NHS: variants seen among roughly 807,000 people sequenced by gnomAD.
NHS encodes the protein NHS actin remodeling regulator.
A neutral mutation model predicts 72.5 loss-of-function variants in NHS; 5 were observed. The observed-to-expected ratio is 0.07, with a 90% CI of 0.04 to 0.14. NHS has a LOEUF of 0.14. Among genes scored for constraint, NHS ranks in the 10% least tolerant of loss-of-function variants. The pLI is 1.00. For synonymous variants in NHS, 464 were observed against 547.7 expected, an observed-to-expected ratio of 0.85 and a Z score of 2.13; for missense variants, 1,072 against 1,355.7, an observed-to-expected ratio of 0.79 and a Z score of 3.29.
At chrX:17,481,223 G>T (rs906482437) in intron 1 of NHS, among the ~76,000 whole-genome samples, 24 of 111,769 alleles carry the variant, frequency 2.1e-4, no homozygotes, top group Admixed American at 1.6e-3. Context: ...TGAATAAGGC[G>T]GTGTCCGTAA....
chrX:17,491,676 A>T (rs760073056), intron 1 of NHS, among the ~76,000 whole-genome samples: 16 of 109,805 alleles, frequency 1.5e-4, no homozygotes, highest in Non-Finnish European at 2.7e-4. Context: ...TATTGTTTGG[A>T]ATAGTTTCAG....
intron 1 of NHS, among the ~76,000 whole-genome samples, chrX:17,634,899 C>T (rs1488360454): frequency 1.8e-5 from 2 of 111,689 alleles, no homozygotes; most frequent in African/African-American, 3.3e-5. Context: ...GTAAGCCAGC[C>T]CCATCCTGGT....
chrX:17,381,923 T>C (rs977765984), intron 1 of NHS, among the ~76,000 whole-genome samples: 1 of 112,613 alleles, frequency 8.9e-6, no homozygotes, highest in East Asian at 2.8e-4. Flanking sequence ...TCCTCACTGA[T>C]ATTGGTATTG....
At chrX:17,560,919 G>A (rs1427237878) in intron 1 of NHS, among the ~76,000 whole-genome samples, 1 of 112,475 alleles carries the variant, frequency 8.9e-6, no homozygotes, top group Non-Finnish European at 1.9e-5. Flanking sequence ...CCTCCCAGTG[G>A]CCTTTAAATT....
At chrX:17,434,760 A>G (rs2064713504) in intron 1 of NHS, among the ~76,000 whole-genome samples, 1 of 111,655 alleles carries the variant, frequency 9.0e-6, no homozygotes, top group Non-Finnish European at 1.9e-5. Flanking sequence ...ATTTTTTATT[A>G]AGCACCTACT....
rs186710212 is a variant in NHS at position 17,532,277 on chromosome X, C to T, written c.566-155465C>T. 1.5e-3 allele frequency among the ~76,000 whole-genome samples: 165 copies of T among 111,746 alleles called. 2 individuals are homozygous for T. The highest frequency in any genetic ancestry group is 1.3e-3 in the Admixed American group (14 of 10,619). On this transcript the variant is annotated intron_variant, in intron 1 of 8. Transcript: ENST00000676302. ...TGCTCTGGTTTTAATTAGTGCAAAG[C>T]GGAAGCCATTTCTATGTAAATGAAT...
At chrX:17,573,171 C>T (rs75774424) in intron 1 of NHS, among the ~76,000 whole-genome samples, 2 of 111,113 alleles carry the variant, frequency 1.8e-5, no homozygotes, top group African/African-American at 6.6e-5. Flanking sequence ...TTGCTCTTCT[C>T]GAAGAGTGTC....
rs1438274490 is a variant in NHS, at chrX:17,727,133, G to T, written c.3027G>T (p.Leu1009=). ...CTTCTGTTGACAATGAGTTTAAACT[G>T]GCTTCACCAGAAAAGCTGGCTGGCT... is the stretch of plus-strand genomic sequence containing the variant. ...SLPSVDNEFK[L]ASPEKLAGLA... is the part of the protein sequence containing the mutation. Residue 1009 remains leucine (L), a synonymous_variant, in exon 7 of 9, where the codon CTG becomes CTT. Transcript: ENST00000676302. The T allele has an allele frequency of 3.3e-6, 4 of 1,210,103 alleles. No individual in the cohort carries two copies. The highest frequency in any genetic ancestry group is 3.4e-6 in the Non-Finnish European group (3 of 895,281).
rs1569318252 is a variant in NHS, at chrX:17,723,743, G to GTGTGTGTGTGTGTGTGTGTA, written c.1109-537_1109-536insATGTGTGTGTGTGTGTGTGT. On this transcript the variant is annotated intron_variant, in intron 5 of 8. Coordinates refer to ENST00000676302, the MANE Select transcript of NHS (RefSeq NM_001291867.2). ...GCAAAAGAGGTGTGTGTGTGTGTGT[G>GTGTGTGTGTGTGTGTGTGTA]TGTGTGTGTGTGTGTGTGTGTGTGT... 3.4e-3 allele frequency among the ~76,000 whole-genome samples: 314 copies of GTGTGTGTGTGTGTGTGTGTA among 92,547 alleles called. 1 individual carries two copies. The highest frequency in any genetic ancestry group is 0.015 in the African/African-American group (302 of 20,544). The allele number at this position is 92,547 out of a possible 115,157, so 80.4% of individuals were successfully genotyped here.
intron 1 of NHS, chrX:17,528,364 C>G (rs1339625849): frequency 1.8e-5 from 2 of 112,066 alleles, no homozygotes; most frequent in Non-Finnish European, 3.8e-5. Flanking sequence ...TCTCTTCTTC[C>G]TCAAGAGGAC....
At chrX:17,491,816 A>T (rs1241093329) in intron 1 of NHS, among the ~76,000 whole-genome samples, 1 of 71,359 alleles carries the variant, frequency 1.4e-5, no homozygotes, top group African/African-American at 5.8e-5. Context: ...AGAACTTGTT[A>T]TTGTTCTATT....
chrX:17,517,651 C>T (rs965990271), intron 1 of NHS, among the ~76,000 whole-genome samples: 2 of 111,485 alleles, frequency 1.8e-5, no homozygotes, highest in Non-Finnish European at 1.9e-5. Flanking sequence ...TGTTAGAGGG[C>T]TTATTGTGTT....
intron 1 of NHS, among the ~76,000 whole-genome samples, chrX:17,484,470 A>G (rs868674772): frequency 3.6e-5 from 4 of 112,111 alleles, no homozygotes; most frequent in Non-Finnish European, 5.6e-5. Flanking sequence ...AGGAGGGGCT[A>G]TACCACATCA....
At chrX:17,552,030 G>A (rs1350726408) in intron 1 of NHS, among the ~76,000 whole-genome samples, 4 of 100,892 alleles carry the variant, frequency 4.0e-5, no homozygotes, top group African/African-American at 1.3e-4. Context: ...CTCTTTAAAG[G>A]GAGGAAACCG....
At chrX:17,685,048 C>T (rs949577886) in intron 1 of NHS, among the ~76,000 whole-genome samples, 2 of 111,604 alleles carry the variant, frequency 1.8e-5, no homozygotes, top group Non-Finnish European at 3.8e-5. Flanking sequence ...GAGCAGCTCA[C>T]GAATGAATGG....
chrX:17,577,448 A>C (rs1292939148), intron 1 of NHS, among the ~76,000 whole-genome samples: 2 of 111,812 alleles, frequency 1.8e-5, no homozygotes, highest in Non-Finnish European at 3.8e-5. Context: ...ATTAGATCAA[A>C]TGCCTCTTAT....
Position 17,728,118 on chromosome X carries a change from A to G in NHS, c.4012A>G (p.Asn1338Asp). ...DSPTRATDVS[N>D]QFKHQFVMSR... is the part of the protein sequence containing the mutation. ...ACCAACTAGAGCAACAGATGTAAGC[A>G]ATCAATTTAAGCATCAATTTGTTAT... The change falls in exon 7 of 9, where the codon AAT (asparagine) becomes GAT (aspartate). Residue 1338 changes from asparagine to aspartate, a missense_variant. Coordinates refer to ENST00000676302, the MANE Select transcript of NHS (RefSeq NM_001291867.2). The G allele has an allele frequency of 8.3e-7, 1 of 1,211,883 alleles. No homozygotes were observed. The highest frequency in any genetic ancestry group is 1.8e-5 in the South Asian group (1 of 57,002).
chrX:17,560,498 C>A (rs1400067101), intron 1 of NHS, among the ~76,000 whole-genome samples: 1 of 112,613 alleles, frequency 8.9e-6, no homozygotes. Flanking sequence ...CAGTTCAGCT[C>A]TCTGTGTATG....
rs371785134 is a variant in NHS, at chrX:17,687,766, G to A, written c.590G>A (p.Ser197Asn). 4 of 1,210,302 alleles carry A rather than the reference G, an allele frequency of 3.3e-6. No individual in the cohort carries two copies. The highest frequency in any genetic ancestry group is 4.5e-6 in the Non-Finnish European group (4 of 895,315). Reference protein sequence around the residue: ...AVPVSNLDIESKLSVYYRAPW... With the variant: ...AVPVSNLDIENKLSVYYRAPW... ...GCCGTCTCCAACCTGGACATAGAGA[G>A]TAAGCTGAGTGTGTACTACCGCGCC... Residue 197 changes from serine to asparagine, a missense_variant, in exon 2 of 9, where the codon AGT (serine) becomes AAT (asparagine). Coordinates refer to ENST00000676302, the MANE Select transcript of NHS (RefSeq NM_001291867.2).
Sources: gnomAD v4.1 joint callset for allele counts (sites outside exome capture counted in the v4.1 genomes callset) on GRCh38, gnomAD v4.1.1 for gene constraint, MANE v1.5 for transcripts, NCBI Gene and HGNC (gene_info 2026-07-23, HGNC 2026-07-21) for gene names.